Variants in LPAR1 observed in about 807,000 individuals in gnomAD.
LPAR1 encodes LPA receptor 1.
LPAR1 carries 5 observed loss-of-function variants against 23.8 expected under a neutral mutation model. The observed-to-expected ratio is 0.21, with a 90% CI of 0.11 to 0.44. The LOEUF (loss-of-function observed/expected upper bound fraction) is 0.44, where lower values mean the gene tolerates loss of function less well. Ranked by LOEUF, LPAR1 falls within the 20% of genes least tolerant of loss-of-function variation. The probability of loss-of-function intolerance (pLI) is 0.99; values close to 1 mark genes in which losing one functional copy is unlikely to be tolerated. For synonymous variants in LPAR1, 160 were observed against 164.7 expected (o/e 0.97, Z 0.22); for missense variants, 311 against 482.8 (o/e 0.64, Z 3.33).
chr9:110,904,126 G>A (rs1174170594), intron 5 of LPAR1, among the ~76,000 whole-genome samples: 2 of 152,154 alleles, frequency 1.3e-5, no homozygotes, highest in Non-Finnish European at 2.9e-5. Context: ...AAAGGACTGT[G>A]TTGCTGGCAG....
intron 2 of LPAR1, among the ~76,000 whole-genome samples, chr9:111,033,423 CTTAAT>C (rs539633496): frequency 0.01 from 1,585 of 152,314 alleles, 12 homozygotes; most frequent in Non-Finnish European, 0.017. Flanking sequence ...ACTTAATTAA[CTTAAT>C]TTATTAAACA....
intron 4 of LPAR1, among the ~76,000 whole-genome samples, chr9:110,957,004 C>G (rs1258397243): frequency 6.6e-6 from 1 of 152,034 alleles, no homozygotes; most frequent in African/African-American, 2.4e-5. Context: ...GGGCTATATC[C>G]CAGATGAACA....
chr9:110,901,177 C>A (rs553919802), intron 5 of LPAR1, among the ~76,000 whole-genome samples: 1 of 152,200 alleles, frequency 6.6e-6, no homozygotes, highest in South Asian at 2.1e-4. Context: ...TTTTTCCCAG[C>A]CTGTGAAGTT....
intron 2 of LPAR1, among the ~76,000 whole-genome samples, chr9:110,976,581 A>G (rs949615936): frequency 6.6e-6 from 1 of 151,962 alleles, no homozygotes; most frequent in Non-Finnish European, 1.5e-5. Flanking sequence ...CTAACTCTCC[A>G]TTTCCTTTGC....
At chr9:110,908,917 T>C (rs1217996019) in intron 5 of LPAR1, among the ~76,000 whole-genome samples, 2 of 152,160 alleles carry the variant, frequency 1.3e-5, no homozygotes, top group Non-Finnish European at 2.9e-5. Flanking sequence ...TGGATAAACA[T>C]AGAAATTGAC....
intron 4 of LPAR1, among the ~76,000 whole-genome samples, chr9:110,967,265 C>T (rs2096256945): frequency 6.6e-6 from 1 of 152,108 alleles, no homozygotes; most frequent in African/African-American, 2.4e-5. Flanking sequence ...GTCTCAGAGT[C>T]AAGGCAGGGG....
intron 4 of LPAR1, among the ~76,000 whole-genome samples, chr9:110,952,443 C>T (rs1391717094): frequency 6.6e-6 from 1 of 152,136 alleles, no homozygotes; most frequent in East Asian, 1.9e-4. Flanking sequence ...ACTTTGAGAA[C>T]CCAGCCCCCA....
chr9:110,970,011 G>T (rs2096363869), intron 4 of LPAR1, among the ~76,000 whole-genome samples: 1 of 152,094 alleles, frequency 6.6e-6, no homozygotes, highest in Non-Finnish European at 1.5e-5. Flanking sequence ...TTCCCACAGA[G>T]AATTTACGAG....
At chr9:110,958,588 G>T (rs988909165) in intron 4 of LPAR1, among the ~76,000 whole-genome samples, 2 of 151,940 alleles carry the variant, frequency 1.3e-5, no homozygotes, top group South Asian at 4.2e-4. Context: ...TCAAGATAAA[G>T]ACTTTATTAA....
intron 2 of LPAR1, among the ~76,000 whole-genome samples, chr9:111,014,467 T>G (rs1017731212): frequency 1.3e-5 from 2 of 151,976 alleles, no homozygotes; most frequent in Admixed American, 1.3e-4. Flanking sequence ...CTCTCTCTCT[T>G]ACCAACCACC....
At chr9:111,030,384 A>G (rs1365341323) in intron 2 of LPAR1, among the ~76,000 whole-genome samples, 7 of 152,224 alleles carry the variant, frequency 4.6e-5, no homozygotes, top group African/African-American at 1.7e-4. Flanking sequence ...ATTCTGTTTC[A>G]GTTGTGTTAT....
intron 2 of LPAR1, among the ~76,000 whole-genome samples, chr9:110,975,128 T>C (rs987950497): frequency 6.6e-6 from 1 of 152,172 alleles, no homozygotes; most frequent in Non-Finnish European, 1.5e-5. Context: ...ACGCATACTA[T>C]ATGCTCAGGT....
At chr9:110,911,851 T>A (rs1271888328) in intron 5 of LPAR1, among the ~76,000 whole-genome samples, 1 of 152,182 alleles carries the variant, frequency 6.6e-6, no homozygotes, top group Non-Finnish European at 1.5e-5. Context: ...AAATCTGCAA[T>A]ATCTCCAAGG....
intron 5 of LPAR1, among the ~76,000 whole-genome samples, chr9:110,911,803 T>TTATTGCAATATTTGCTC (rs1483663461): frequency 1.3e-5 from 2 of 152,180 alleles, no homozygotes; most frequent in African/African-American, 4.8e-5. Context: ...GTGACTCACT[T>TTATTGCAATATTTGCTC]TATTGCAATA....
At chr9:110,957,712 C>T (rs965436565) in intron 4 of LPAR1, among the ~76,000 whole-genome samples, 1 of 152,106 alleles carries the variant, frequency 6.6e-6, no homozygotes, top group African/African-American at 2.4e-5. Context: ...TCCTAGTCAA[C>T]ATAATACTAG....
At chr9:111,029,831 A>G (rs1215021712) in intron 2 of LPAR1, among the ~76,000 whole-genome samples, 1 of 151,814 alleles carries the variant, frequency 6.6e-6, no homozygotes, top group Non-Finnish European at 1.5e-5. Context: ...CGGGTGGTTC[A>G]CTTGAGGCCA....
chr9:110,884,940 T>C (rs1261147712), intron 5 of LPAR1, among the ~76,000 whole-genome samples: 1 of 152,196 alleles, frequency 6.6e-6, no homozygotes, highest in African/African-American at 2.4e-5. Context: ...TTTGGTATCC[T>C]GGGTGATATC....
chr9:111,017,752 T>A (rs570327416), intron 2 of LPAR1, among the ~76,000 whole-genome samples: 1 of 152,240 alleles, frequency 6.6e-6, no homozygotes, highest in Admixed American at 6.5e-5. Flanking sequence ...CTGGGCGCAG[T>A]GGCTCACGCC....
In LPAR1 at chr9:110,937,124, A is replaced by G. The variant is rs1432146299; in HGVS notation, c.793+4297T>C. 6.6e-5 allele frequency among the ~76,000 whole-genome samples: 10 copies of G among 152,190 alleles called. No individual in the cohort carries two copies. In the South Asian group the frequency reaches 2.1e-3, roughly 31 times the overall value. On this transcript the variant is annotated intron_variant, in intron 5 of 5. Transcript: ENST00000683809. ...GTGCTGCTGCAACATGAAACAGTGG[A>G]AAAGGGTGGATGAAATGAGGGTCAT...
Sources: gnomAD v4.1 joint callset for allele counts (sites outside exome capture counted in the v4.1 genomes callset) on GRCh38, gnomAD v4.1.1 for gene constraint, MANE v1.5 for transcripts, NCBI Gene and HGNC (gene_info 2026-07-23, HGNC 2026-07-21) for gene names.